PSD3: variants seen among roughly 807,000 people sequenced by gnomAD.
PSD3 encodes the protein pleckstrin and Sec7 domain containing 3.
Under a neutral mutation model 105.5 loss-of-function variants are expected in PSD3, and 49 were observed. The ratio of observed to expected loss-of-function variants is 0.46; its 90% CI spans 0.37 to 0.59. The LOEUF (loss-of-function observed/expected upper bound fraction) is 0.59. Ranked by LOEUF, PSD3 falls within the 20% of genes least tolerant of loss-of-function variation. PSD3 has a pLI of 0.00. For synonymous variants in PSD3, 557 were observed against 457.8 expected (o/e 1.22, Z -2.77); for missense variants, 1,561 against 1,263.8 (o/e 1.24, Z -3.57).
chr8:18,750,598 C>G (rs924545681), intron 9 of PSD3, among the ~76,000 whole-genome samples: 3 of 152,144 alleles, frequency 2.0e-5, no homozygotes, highest in African/African-American at 7.2e-5. Flanking sequence ...GTTGCCACTG[C>G]TGGCTCCGGC....
In PSD3 at chr8:18,871,783, A is replaced by C. The variant is rs555381666; in HGVS notation, c.1081T>G (p.Trp361Gly). ...GAAGGAGCTTTCCAGGATTCATCCC[A>C]AACATTCTCAGTTAAACTACTTGAA... ...CNSSSLTENVWDESWKAPSER... is the reference protein window; with the variant it reads ...CNSSSLTENVGDESWKAPSER... Residue 361 changes from tryptophan to glycine, a missense_variant, in exon 3 of 16, where the codon TGG (tryptophan) becomes GGG (glycine). Trp to Gly is a radical substitution (Grantham distance 184). Transcript: ENST00000327040. 4 of 1,614,208 alleles carry C rather than the reference A, an allele frequency of 2.5e-6. No individual in the cohort carries two copies. In the East Asian group the frequency reaches 6.7e-5, roughly 27 times the overall value.
At chr8:18,704,783 A>G (rs769067500) in intron 9 of PSD3, among the ~76,000 whole-genome samples, 1 of 152,186 alleles carries the variant, frequency 6.6e-6, no homozygotes, top group Non-Finnish European at 1.5e-5. Flanking sequence ...TTAAAAACTG[A>G]AAGTAGAAAA....
At chr8:18,615,378 C>G (rs1353077747) in intron 11 of PSD3, among the ~76,000 whole-genome samples, 5 of 152,200 alleles carry the variant, frequency 3.3e-5, no homozygotes, top group Admixed American at 3.3e-4. Context: ...GGGAATGACA[C>G]AGCAGCAAGG....
At chr8:18,692,257 A>T (rs951627811) in intron 9 of PSD3, among the ~76,000 whole-genome samples, 5 of 152,242 alleles carry the variant, frequency 3.3e-5, no homozygotes, top group African/African-American at 1.2e-4. Context: ...TGACACTGAG[A>T]TAGACATTAA....
At chr8:18,826,415 G>C (rs927495797) in intron 4 of PSD3, among the ~76,000 whole-genome samples, 1 of 152,298 alleles carries the variant, frequency 6.6e-6, no homozygotes, top group Admixed American at 6.5e-5. Context: ...AAAGAGAATT[G>C]TATCAGTAGC....
chr8:18,867,995 G>A lies in PSD3; in HGVS notation c.1313C>T (p.Thr438Ile), dbSNP rs1370671175. Residue 438 changes from threonine to isoleucine, a missense_variant, in exon 4 of 16, where the codon ACC (threonine) becomes ATC (isoleucine). Physicochemically the swap from Thr to Ile is moderately conservative, Grantham distance 89. Coordinates refer to ENST00000327040, the MANE Select transcript of PSD3 (RefSeq NM_015310.4). ...TTCAAACTGGGAGCTGTACACGTCG[G>A]TGGAGTCCTCCGTATATCCAGGCCC... is the stretch of plus-strand genomic sequence containing the variant. Reference protein sequence around the residue: ...ILGPGYTEDSTDVYSSQFETI... With the variant: ...ILGPGYTEDSIDVYSSQFETI... 6.2e-7 allele frequency: 1 copy of A among 1,614,164 alleles called. No homozygotes were observed. The highest frequency in any genetic ancestry group is 8.5e-7 in the Non-Finnish European group (1 of 1,180,008).
chr8:19,069,217 A>G (rs1416439235), intron 1 of PSD3, among the ~76,000 whole-genome samples: 1 of 152,254 alleles, frequency 6.6e-6, no homozygotes, highest in African/African-American at 2.4e-5. Context: ...GCAGTTTCAA[A>G]GAATGACACA....
chr8:18,563,871 T>G (rs1327919039), intron 14 of PSD3, among the ~76,000 whole-genome samples: 1 of 152,154 alleles, frequency 6.6e-6, no homozygotes, highest in Non-Finnish European at 1.5e-5. Context: ...GGACATAAGA[T>G]TACTGGAAGA....
chr8:18,929,211 GCAACAAC>G (rs1821577976), intron 2 of PSD3, among the ~76,000 whole-genome samples: 3 of 151,530 alleles, frequency 2.0e-5, no homozygotes, highest in Admixed American at 2.0e-4. Flanking sequence ...TATGAAAATG[GCAACAAC>G]CAATTTCAAA....
rs574011250 is a variant in PSD3 at position 18,974,796 on chromosome 8, T to A, written c.22-38654A>T. 1.6e-4 allele frequency among the ~76,000 whole-genome samples: 24 copies of A among 152,244 alleles called. No homozygotes were observed. The South Asian group carries it at 4.6e-3, about 29-fold the overall frequency. ...CTGCTGCAAAGGAGCACAGAAGACC[T>A]GCTAGCTATACATCCAGCAGGTCCT... On this transcript the variant is annotated intron_variant, in intron 1 of 15. Transcript: ENST00000327040.
In PSD3 at chr8:18,821,382, A is replaced by G. The variant is rs577432075; in HGVS notation, c.1635-16484T>C. 5.1e-5 allele frequency among the ~76,000 whole-genome samples: 5 copies of G among 97,340 alleles called. No individual in the cohort carries two copies. In the South Asian group the frequency reaches 2.3e-3, roughly 45 times the overall value. 63.9% of individuals were successfully genotyped at this position (97,340 alleles called of 152,430 possible). A position where few individuals can be genotyped will look rare whatever the true frequency, so the allele number is the denominator to read the frequency against. On this transcript the variant is annotated intron_variant, in intron 4 of 15. Coordinates refer to ENST00000327040, the MANE Select transcript of PSD3 (RefSeq NM_015310.4). Reference sequence around the variant, plus strand: ...ATTATTATTAGAATTTTACTTTTTCATTTTCCAAAAAAAATAATACCAGGT... The same window carrying G: ...ATTATTATTAGAATTTTACTTTTTCGTTTTCCAAAAAAAATAATACCAGGT...
intron 1 of PSD3, among the ~76,000 whole-genome samples, chr8:18,945,448 T>C (rs1041907623): frequency 6.6e-6 from 1 of 151,970 alleles, no homozygotes; most frequent in African/African-American, 2.4e-5. Context: ...AGCTCTAGAG[T>C]CTAGAAATGG....
upstream of PSD3, chr8:19,013,788 T>C (rs556007219): frequency 2.4e-5 from 5 of 204,862 alleles, no homozygotes; most frequent in Admixed American, 2.5e-4. Flanking sequence ...CCCAGTAACG[T>C]CAAAGCGAAG....
At chr8:18,946,810 CAGG>C (rs1340133113) in intron 1 of PSD3, among the ~76,000 whole-genome samples, 1 of 148,770 alleles carries the variant, frequency 6.7e-6, no homozygotes, top group East Asian at 2.0e-4. Context: ...GAGGTTGGGA[CAGG>C]AGAATTGCTT....
At chr8:18,988,129 AC>A (rs1305137450) in intron 1 of PSD3, among the ~76,000 whole-genome samples, 7 of 151,714 alleles carry the variant, frequency 4.6e-5, no homozygotes, top group Non-Finnish European at 7.4e-5. Context: ...ATATATATAC[AC>A]ATGAATAAGT....
chr8:18,541,169 AAAAC>A (rs1210018365), intron 15 of PSD3, among the ~76,000 whole-genome samples: 2 of 146,560 alleles, frequency 1.4e-5, no homozygotes, highest in African/African-American at 5.0e-5. Context: ...AAAAAAAAAA[AAAAC>A]CTTTTGATTT....
intron 4 of PSD3, among the ~76,000 whole-genome samples, chr8:18,828,213 C>T (rs921628824): frequency 3.3e-5 from 5 of 151,514 alleles, no homozygotes; most frequent in Admixed American, 6.6e-5. Context: ...CCAAAGGAAA[C>T]ATATCATCCT....
intron 15 of PSD3, among the ~76,000 whole-genome samples, chr8:18,553,689 C>T (rs944827518): frequency 1.4e-4 from 22 of 152,152 alleles, no homozygotes; most frequent in Non-Finnish European, 1.5e-5. Context: ...GCAAAGTGGA[C>T]TCAATATGAT....
intron 9 of PSD3, chr8:18,733,740 A>C (rs533192310): frequency 6.5e-6 from 1 of 152,780 alleles, no homozygotes; most frequent in East Asian, 1.9e-4. Context: ...AAAAAAGGCA[A>C]TTATCTTTCT....
Sources: gnomAD v4.1 joint callset for allele counts (sites outside exome capture counted in the v4.1 genomes callset) on GRCh38, gnomAD v4.1.1 for gene constraint, MANE v1.5 for transcripts, NCBI Gene and HGNC (gene_info 2026-07-23, HGNC 2026-07-21) for gene names.